Variants in RBM46 observed in about 807,000 individuals in gnomAD.
RBM46 encodes probable RNA-binding protein 46.
RBM46 carries 12 observed loss-of-function variants against 43.3 expected under a neutral mutation model. The ratio of observed to expected loss-of-function variants is 0.28; its 90% CI spans 0.18 to 0.45. The LOEUF (loss-of-function observed/expected upper bound fraction) is 0.45. RBM46 is among the 20% of genes least tolerant of loss of function. The probability of loss-of-function intolerance (pLI) is 1.00; values close to 1 mark genes in which losing one functional copy is unlikely to be tolerated. For synonymous variants in RBM46, 205 were observed against 207.6 expected, an observed-to-expected ratio of 0.99 and a Z score of 0.11; for missense variants, 412 against 639.1, an observed-to-expected ratio of 0.64 and a Z score of 3.83.
chr4:154,788,470 C>G (rs1409057496), intron 1 of RBM46, among the ~76,000 whole-genome samples: 3 of 152,106 alleles, frequency 2.0e-5, no homozygotes, highest in Non-Finnish European at 4.4e-5. Flanking sequence ...TTGTTTTTGT[C>G]AGGTTTGTCA....
chr4:154,812,719 C>G (rs1171339453), intron 4 of RBM46, among the ~76,000 whole-genome samples: 1 of 152,176 alleles, frequency 6.6e-6, no homozygotes, highest in Non-Finnish European at 1.5e-5. Flanking sequence ...ATCAAATACT[C>G]TGAACTCCAC....
chr4:154,799,538 C>A lies in RBM46; in HGVS notation c.1376C>A (p.Ala459Glu). 1 of 1,574,740 alleles carries A rather than the reference C, an allele frequency of 6.4e-7. No homozygotes were observed. Among genetic ancestry groups the A allele is most frequent in the Non-Finnish European group, 8.6e-7 (1 of 1,162,894 alleles). The change falls in exon 4 of 5, where the codon GCA (alanine) becomes GAA (glutamate). Residue 459 changes from alanine (A) to glutamate (E), a missense_variant. This residue lies in a region of RBM46 where 149 missense variants were observed against 156.3 expected (regional missense o/e 0.95). Transcript: ENST00000281722. ...ACGTTAGAAGATGCAAAGGAACTGGCAGCCCAGTTTACATTACTTCATTTG... is the reference window on the plus strand; with the variant it reads ...ACGTTAGAAGATGCAAAGGAACTGGAAGCCCAGTTTACATTACTTCATTTG... ...CTTLEDAKEL[A>E]AQFTLLHLDY... is the part of the protein sequence containing the mutation.
rs537060537 is a variant in RBM46 at position 154,789,825 on chromosome 4, G to A, written c.-11-6917G>A. Among the ~76,000 whole-genome samples, 59 of 152,226 alleles carry A rather than the reference G, an allele frequency of 3.9e-4. No individual in the cohort carries two copies. In the South Asian group the frequency reaches 0.012, roughly 32 times the overall value. On this transcript the variant is annotated intron_variant, in intron 1 of 4. Coordinates refer to ENST00000281722, the MANE Select transcript of RBM46 (RefSeq NM_144979.5). ...GTCCTGGACTTTTTTTGGTTGGTAG[G>A]CTATTAATTATTGCCTCAATTTCAG... is the stretch of plus-strand genomic sequence containing the variant.
chr4:154,795,878 C>T (rs1239746524), intron 1 of RBM46, among the ~76,000 whole-genome samples: 1 of 152,032 alleles, frequency 6.6e-6, no homozygotes, highest in Non-Finnish European at 1.5e-5. Flanking sequence ...ATATTTAGGG[C>T]CGGGTGCAGT....
intron 4 of RBM46, among the ~76,000 whole-genome samples, chr4:154,808,105 GA>G (rs1734996103): frequency 6.6e-6 from 1 of 151,920 alleles, no homozygotes; most frequent in African/African-American, 2.4e-5. Flanking sequence ...ACAATCATCA[GA>G]AAACATCAAT....
At chr4:154,813,611 G>A (rs896545847) in intron 4 of RBM46, among the ~76,000 whole-genome samples, 11 of 151,924 alleles carry the variant, frequency 7.2e-5, no homozygotes, top group African/African-American at 1.9e-4. Flanking sequence ...AATCTATAAC[G>A]TTTGATCAAG....
chr4:154,796,519 T>G (rs560760874), intron 1 of RBM46, among the ~76,000 whole-genome samples: 1 of 152,130 alleles, frequency 6.6e-6, no homozygotes, highest in Non-Finnish European at 1.5e-5. Flanking sequence ...TTCTTATAGC[T>G]TAGGCCTTCT....
intron 4 of RBM46, among the ~76,000 whole-genome samples, 198 bp downstream of exon 4, chr4:154,799,762 T>TC (rs1260231791): frequency 6.7e-6 from 1 of 148,392 alleles, no homozygotes; most frequent in East Asian, 1.9e-4. Flanking sequence ...TTTCTTTTTT[T>TC]TTTTTTTTTT....
chr4:154,786,185 C>T (rs537827435), intron 1 of RBM46, among the ~76,000 whole-genome samples: 2 of 152,284 alleles, frequency 1.3e-5, no homozygotes, highest in Admixed American at 1.3e-4. Flanking sequence ...CTCCTAGGTT[C>T]AAGCAATTCC....
chr4:154,797,681 T>C lies in RBM46; in HGVS notation c.152-130T>C, dbSNP rs1376357616. ...AGGGAAGGGGCTTTATTTTGTCCAC[T>C]GTTGTATCACCAATACCTAGAATTG... On this transcript the variant is annotated intron_variant, in intron 2 of 4. Coordinates refer to ENST00000281722, the MANE Select transcript of RBM46 (RefSeq NM_144979.5). The C allele has an allele frequency of 2.2e-5, 12 of 549,772 alleles. No individual in the cohort carries two copies. The East Asian group carries it at 3.3e-4, about 15-fold the overall frequency. The allele number at this position is 549,772 out of a possible 1,614,324, so 34.1% of individuals were successfully genotyped here. A position where few individuals can be genotyped will look rare whatever the true frequency, so the allele number is the denominator to read the frequency against.
At position 154,811,181 on chromosome 4, in the gene RBM46, TGG is replaced by T. The variant is rs1735154181; in HGVS notation, c.1402+11620_1402+11621del. 3.3e-5 allele frequency among the ~76,000 whole-genome samples: 5 copies of T among 152,100 alleles called. No homozygotes were observed. In the South Asian group the frequency reaches 1.0e-3, roughly 32 times the overall value. ...TGGATGACCTGACCTAAACTGGTAT[TGG>T]GGTCAGGAAATGGTACATTGCACTT... On this transcript the variant is annotated intron_variant, in intron 4 of 4. Transcript: ENST00000281722.
At chr4:154,818,391 A>G (rs1321673318) in intron 4 of RBM46, among the ~76,000 whole-genome samples, 2 of 152,196 alleles carry the variant, frequency 1.3e-5, no homozygotes, top group Non-Finnish European at 2.9e-5. Flanking sequence ...CCTTTGCAGT[A>G]GTTATGATTC....
intron 4 of RBM46, among the ~76,000 whole-genome samples, chr4:154,800,379 A>T (rs2111142019): frequency 6.6e-6 from 1 of 152,194 alleles, no homozygotes; most frequent in Non-Finnish European, 1.5e-5. Flanking sequence ...TGTCATTATC[A>T]CTCATGAAAG....
intron 1 of RBM46, among the ~76,000 whole-genome samples, chr4:154,789,498 C>G (rs1733968285): frequency 6.6e-6 from 1 of 152,140 alleles, no homozygotes; most frequent in Admixed American, 6.5e-5. Flanking sequence ...GTATGTTGAA[C>G]CAGCCTTGCA....
In RBM46 at chr4:154,794,274, G is replaced by A. The variant is rs940844841; in HGVS notation, c.-11-2468G>A. Among the ~76,000 whole-genome samples, 14 of 147,448 alleles carry A rather than the reference G, an allele frequency of 9.5e-5. 1 individual carries two copies. The South Asian group carries it at 2.6e-3, about 27-fold the overall frequency. ...CTGCTCACTGCAAGCTCCGCCTCCC[G>A]GGTTCTTGCCTTTCTCCTGCCTCAG... On this transcript the variant is annotated intron_variant, in intron 1 of 4. Transcript: ENST00000281722.
intron 4 of RBM46, among the ~76,000 whole-genome samples, chr4:154,801,925 G>T (rs563579218): frequency 6.6e-6 from 1 of 152,096 alleles, no homozygotes; most frequent in East Asian, 1.9e-4. Context: ...ATCCTTAGTG[G>T]GCACATGCAG....
chr4:154,802,466 C>T (rs1279392575), intron 4 of RBM46, among the ~76,000 whole-genome samples: 1 of 152,156 alleles, frequency 6.6e-6, no homozygotes, highest in Non-Finnish European at 1.5e-5. Flanking sequence ...ATGTTGGAGC[C>T]TCTGGGTTTT....
At chr4:154,819,729 C>G (rs1735638541) in intron 4 of RBM46, among the ~76,000 whole-genome samples, 1 of 151,930 alleles carries the variant, frequency 6.6e-6, no homozygotes, top group Admixed American at 6.6e-5. Context: ...TACTTTTATA[C>G]ACAATTTCTT....
rs116703871 is a variant in RBM46, at chr4:154,827,864, A to G, written c.1403-4A>G. The G allele has an allele frequency of 5.0e-3, 8,059 of 1,613,554 alleles. 261 individuals are homozygous for G. In the African/African-American group the frequency reaches 0.082, roughly 16 times the overall value. ...AGCATAATTGTTCATGTATTTATTT[A>G]CAGACTACAATTTCCATCGCAGCTC... On this transcript the variant is annotated splice_region_variant and splice_polypyrimidine_tract_variant and intron_variant, in intron 4 of 4. Transcript: ENST00000281722.
Sources: allele counts gnomAD v4.1 joint callset (sites outside exome capture counted in the v4.1 genomes callset), GRCh38; gene constraint gnomAD v4.1.1; regional missense constraint gnomAD v4.1.1; transcripts MANE v1.5; gene names NCBI Gene and HGNC (gene_info 2026-07-23, HGNC 2026-07-21).